The following GMDS variants were observed in gnomAD, a reference collection of about 807,000 sequenced individuals.
The protein encoded by GMDS is GDP-mannose 4,6-dehydratase, also known as GDP-mannose 4,6 dehydratase.
GMDS carries 20 observed loss-of-function variants against 49.9 expected under a neutral mutation model. The observed-to-expected ratio is 0.40, with a 90% CI of 0.28 to 0.58. The LOEUF (loss-of-function observed/expected upper bound fraction) is 0.58. Among genes scored for constraint, GMDS ranks in the 20% least tolerant of loss-of-function variants. GMDS has a pLI of 0.42. For missense variants in GMDS, 362 were observed against 481.4 expected, an observed-to-expected ratio of 0.75 and a Z score of 2.32; for synonymous variants, 177 against 178.6, an observed-to-expected ratio of 0.99 and a Z score of 0.07.
At chr6:2,121,043 T>C (rs1230675024) in intron 2 of GMDS, among the ~76,000 whole-genome samples, 1 of 152,222 alleles carries the variant, frequency 6.6e-6, no homozygotes, top group Non-Finnish European at 1.5e-5. Flanking sequence ...GGTGTGCTTA[T>C]CATCCCCATT....
chr6:2,012,917 T>C (rs573115038), intron 4 of GMDS, among the ~76,000 whole-genome samples: 3 of 152,320 alleles, frequency 2.0e-5, no homozygotes, highest in Admixed American at 6.5e-5. Context: ...AAGGGTGTTC[T>C]GGTCTCCCTA....
At chr6:1,968,935 A>G (rs1764421322) in intron 4 of GMDS, among the ~76,000 whole-genome samples, 1 of 152,048 alleles carries the variant, frequency 6.6e-6, no homozygotes, top group Admixed American at 6.6e-5. Flanking sequence ...TAATTTTAAA[A>G]CAGAAAGCCA....
chr6:1,933,340 G>A (rs767274725), intron 6 of GMDS, among the ~76,000 whole-genome samples: 1 of 152,292 alleles, frequency 6.6e-6, no homozygotes, highest in East Asian at 1.9e-4. Flanking sequence ...TACCATGAGC[G>A]TTCATGCCTT....
At chr6:1,856,005 T>C (rs1757923159) in intron 7 of GMDS, among the ~76,000 whole-genome samples, 1 of 152,058 alleles carries the variant, frequency 6.6e-6, no homozygotes, top group African/African-American at 2.4e-5. Flanking sequence ...ATCTCTCAAA[T>C]CCAAAATCTC....
intron 1 of GMDS, among the ~76,000 whole-genome samples, chr6:2,168,516 A>G (rs1159344374): frequency 1.3e-5 from 2 of 152,216 alleles, no homozygotes; most frequent in African/African-American, 2.4e-5. Context: ...AATATTAAAT[A>G]ACTAAGACAG....
At chr6:1,680,071 A>G (rs1764740610) in intron 9 of GMDS, 1 of 152,246 alleles carries the variant, frequency 6.6e-6, no homozygotes, top group African/African-American at 2.4e-5. Context: ...ACTAGTCTGT[A>G]ATTTCACACA....
intron 8 of GMDS, 70 bp downstream of exon 8, chr6:1,742,398 C>T (rs146336419): frequency 0.02 from 17,004 of 829,846 alleles, 242 homozygotes; most frequent in Non-Finnish European, 0.026. Flanking sequence ...CAGCCAGAAC[C>T]GAGGCTTCAG....
chr6:2,158,272 T>C (rs1372779607), intron 1 of GMDS, among the ~76,000 whole-genome samples: 7 of 152,160 alleles, frequency 4.6e-5, no homozygotes. Context: ...AAATAAAACA[T>C]ATGTACGCAT....
intron 4 of GMDS, among the ~76,000 whole-genome samples, chr6:2,064,730 C>G (rs1006442203): frequency 9.2e-5 from 14 of 152,256 alleles, no homozygotes; most frequent in South Asian, 2.1e-4. Flanking sequence ...ATGAAGCTGG[C>G]ATGGGGAGAA....
At chr6:2,088,547 T>C (rs1235811942) in intron 4 of GMDS, among the ~76,000 whole-genome samples, 1 of 152,190 alleles carries the variant, frequency 6.6e-6, no homozygotes, top group Non-Finnish European at 1.5e-5. Flanking sequence ...ACAAAATAAA[T>C]AGTTTCCTGA....
At chr6:2,070,473 A>C (rs1771923534) in intron 4 of GMDS, among the ~76,000 whole-genome samples, 1 of 152,226 alleles carries the variant, frequency 6.6e-6, no homozygotes, top group Non-Finnish European at 1.5e-5. Context: ...CAAATTTATG[A>C]TATAGTAATA....
chr6:2,234,671 C>A (rs1448487386), intron 1 of GMDS, among the ~76,000 whole-genome samples: 4 of 152,130 alleles, frequency 2.6e-5, no homozygotes, highest in African/African-American at 4.8e-5. Flanking sequence ...CATAAATTTT[C>A]TGACCTCGAG....
At chr6:2,099,156 A>G (rs1430225134) in intron 4 of GMDS, among the ~76,000 whole-genome samples, 1 of 152,144 alleles carries the variant, frequency 6.6e-6, no homozygotes, top group East Asian at 1.9e-4. Flanking sequence ...TACATTTACT[A>G]CAGTGGCCAA....
At chr6:1,684,695 C>G (rs190559225) in intron 9 of GMDS, among the ~76,000 whole-genome samples, 2 of 152,216 alleles carry the variant, frequency 1.3e-5, no homozygotes, top group Non-Finnish European at 1.5e-5. Context: ...GAGGAGCGAG[C>G]TTTTTGCTGG....
intron 7 of GMDS, among the ~76,000 whole-genome samples, chr6:1,889,869 T>C (rs1759791130): frequency 6.6e-6 from 1 of 152,226 alleles, no homozygotes; most frequent in South Asian, 2.1e-4. Flanking sequence ...ATATAATATG[T>C]TGCCTTTTGG....
intron 4 of GMDS, among the ~76,000 whole-genome samples, chr6:1,989,710 T>A (rs1170009472): frequency 1.3e-5 from 2 of 152,174 alleles, no homozygotes; most frequent in East Asian, 3.9e-4. Context: ...TCTCTGATGC[T>A]ACCCCTCGGC....
At chr6:2,027,672 C>T (rs1406670318) in intron 4 of GMDS, among the ~76,000 whole-genome samples, 1 of 151,918 alleles carries the variant, frequency 6.6e-6, no homozygotes, top group African/African-American at 2.4e-5. Context: ...TAGCAGAGTA[C>T]AAGACAGTTA....
At chr6:1,729,073 CA>C (rs1325648802) in intron 8 of GMDS, among the ~76,000 whole-genome samples, 21 of 152,322 alleles carry the variant, frequency 1.4e-4, no homozygotes, top group Middle Eastern at 3.4e-3. Flanking sequence ...GCCTCACCCT[CA>C]GCTGAAGGAA....
chr6:2,230,755 G>C (rs2295008), intron 1 of GMDS, among the ~76,000 whole-genome samples: 1 of 151,454 alleles, frequency 6.6e-6, no homozygotes, highest in Non-Finnish European at 1.5e-5. Context: ...AAAAAAAAAG[G>C]GACTTCAATA....
Sources: gnomAD v4.1 joint callset for allele counts (sites outside exome capture counted in the v4.1 genomes callset) on GRCh38, gnomAD v4.1.1 for gene constraint, MANE v1.5 for transcripts, NCBI Gene and HGNC (gene_info 2026-07-23, HGNC 2026-07-21) for gene names.